The following LRP1B variants were observed in gnomAD, a reference collection of about 807,000 sequenced individuals.
LRP1B encodes low-density lipoprotein receptor-related protein 1B.
LRP1B carries 217 observed loss-of-function variants against 556.6 expected under a neutral mutation model. The ratio of observed to expected loss-of-function variants is 0.39; its 90% CI spans 0.35 to 0.44. The LOEUF (loss-of-function observed/expected upper bound fraction) is 0.44. Among genes scored for constraint, LRP1B ranks in the 20% least tolerant of loss-of-function variants. The pLI is 1.00. For synonymous variants in LRP1B, 2,047 were observed against 1,865.8 expected (o/e 1.10, Z -2.50); for missense variants, 5,053 against 5,620.8 (o/e 0.90, Z 3.23).
intron 3 of LRP1B, among the ~76,000 whole-genome samples, chr2:141,258,135 C>A (rs780337383): frequency 2.0e-5 from 3 of 152,312 alleles, no homozygotes; most frequent in East Asian, 3.9e-4. Context: ...CATGTAAACA[C>A]GGTGTCTGAT....
chr2:142,025,591 C>G (rs1167536195), intron 1 of LRP1B, among the ~76,000 whole-genome samples: 4 of 152,108 alleles, frequency 2.6e-5, no homozygotes, highest in Admixed American at 2.6e-4. Flanking sequence ...ACAATTAACT[C>G]TGCCCAGAGG....
chr2:141,913,625 A>G (rs1699960619), intron 1 of LRP1B, among the ~76,000 whole-genome samples: 2 of 152,190 alleles, frequency 1.3e-5, no homozygotes, highest in African/African-American at 4.8e-5. Flanking sequence ...CCACTTGGAA[A>G]GAGGAATGGC....
chr2:141,226,404 T>TC (rs1185363565), intron 6 of LRP1B, among the ~76,000 whole-genome samples: 1 of 152,138 alleles, frequency 6.6e-6, no homozygotes, highest in Admixed American at 6.6e-5. Context: ...GACGTGCAAT[T>TC]TTTTTAAAAT....
chr2:140,264,700 A>ATGTG (rs1558756180), intron 86 of LRP1B, among the ~76,000 whole-genome samples: 75 of 94,232 alleles, frequency 8.0e-4, no homozygotes, highest in African/African-American at 2.8e-3. Context: ...AATTGTCTAT[A>ATGTG]TATGTGTGTG....
rs546125364 is a variant in LRP1B, at chr2:140,495,862, C to A, written c.8851-114G>T. ...CATTTGAAAATAGATAAAGGCAAGTCTTTCTGTCTCCCAGCATTTGACCTT... is the reference window on the plus strand; with the variant it reads ...CATTTGAAAATAGATAAAGGCAAGTATTTCTGTCTCCCAGCATTTGACCTT... On this transcript the variant is annotated intron_variant, in intron 55 of 90. Coordinates refer to ENST00000389484, the MANE Select transcript of LRP1B (RefSeq NM_018557.3). The A allele has an allele frequency of 5.2e-6, 4 of 775,470 alleles. No homozygotes were observed. In the South Asian group the frequency reaches 8.1e-5, roughly 16 times the overall value. The allele number at this position is 775,470 out of a possible 1,614,324, so 48.0% of individuals were successfully genotyped here. A position where few individuals can be genotyped will look rare whatever the true frequency, so the allele number is the denominator to read the frequency against.
intron 66 of LRP1B, among the ~76,000 whole-genome samples, chr2:140,395,328 G>A (rs949663381): frequency 6.6e-6 from 1 of 152,162 alleles, no homozygotes; most frequent in Admixed American, 6.6e-5. Context: ...CTTTGTTTTA[G>A]CATAGTCTCT....
At chr2:140,473,835 A>C (rs1687862892) in intron 60 of LRP1B, among the ~76,000 whole-genome samples, 1 of 151,944 alleles carries the variant, frequency 6.6e-6, no homozygotes, top group South Asian at 2.1e-4. Flanking sequence ...GTCACAATAA[A>C]ACTTTCAACT....
intron 87 of LRP1B, among the ~76,000 whole-genome samples, chr2:140,241,768 T>G (rs929233540): frequency 6.6e-6 from 1 of 150,876 alleles, no homozygotes; most frequent in Admixed American, 6.6e-5. Context: ...TTTTTAAAAT[T>G]AACAGATATT....
At chr2:141,071,638 C>T (rs1255361264) in intron 7 of LRP1B, among the ~76,000 whole-genome samples, 1 of 152,018 alleles carries the variant, frequency 6.6e-6, no homozygotes, top group African/African-American at 2.4e-5. Context: ...CTTAAGCTGA[C>T]AAGAAACTTC....
intron 3 of LRP1B, among the ~76,000 whole-genome samples, chr2:141,477,688 T>C (rs1203016811): frequency 2.0e-5 from 3 of 152,194 alleles, no homozygotes; most frequent in African/African-American, 7.2e-5. Context: ...AAGATTTTTT[T>C]AAATCATTGA....
chr2:140,920,143 G>A (rs1420898338), intron 21 of LRP1B, among the ~76,000 whole-genome samples: 1 of 151,940 alleles, frequency 6.6e-6, no homozygotes, highest in East Asian at 1.9e-4. Flanking sequence ...ACGACAGAGT[G>A]ACTGAAAATT....
At chr2:140,936,115 A>C (rs998933837) in intron 20 of LRP1B, among the ~76,000 whole-genome samples, 1 of 151,690 alleles carries the variant, frequency 6.6e-6, no homozygotes, top group Non-Finnish European at 1.5e-5. Flanking sequence ...AGTGATGGGC[A>C]GATCACTTGA....
intron 77 of LRP1B, among the ~76,000 whole-genome samples, chr2:140,347,680 C>T (rs1681754144): frequency 6.6e-6 from 1 of 152,012 alleles, no homozygotes; most frequent in Non-Finnish European, 1.5e-5. Context: ...ATTTGGTTCA[C>T]TGACAATGGA....
At chr2:142,042,634 A>G (rs754984243) in intron 1 of LRP1B, among the ~76,000 whole-genome samples, 4 of 151,502 alleles carry the variant, frequency 2.6e-5, no homozygotes, top group Non-Finnish European at 5.9e-5. Flanking sequence ...TGCCTTAGCT[A>G]TATATACTAG....
chr2:141,763,228 G>A (rs1405623962), intron 2 of LRP1B, among the ~76,000 whole-genome samples: 1 of 151,988 alleles, frequency 6.6e-6, no homozygotes, highest in Non-Finnish European at 1.5e-5. Flanking sequence ...ACCTGGTGGT[G>A]GGTGAGTTCA....
At chr2:141,982,387 G>A (rs1309942552) in intron 1 of LRP1B, among the ~76,000 whole-genome samples, 1 of 152,178 alleles carries the variant, frequency 6.6e-6, no homozygotes, top group Non-Finnish European at 1.5e-5. Flanking sequence ...GAGCTTGAAG[G>A]CTTCATGATA....
intron 18 of LRP1B, among the ~76,000 whole-genome samples, chr2:140,967,925 C>G (rs1284428981): frequency 1.3e-5 from 2 of 149,716 alleles, no homozygotes; most frequent in Non-Finnish European, 3.0e-5. Context: ...TTTTGATGTG[C>G]TGCTGGATTC....
intron 3 of LRP1B, among the ~76,000 whole-genome samples, chr2:141,370,663 T>C (rs905679501): frequency 1.3e-5 from 2 of 152,290 alleles, no homozygotes; most frequent in African/African-American, 4.8e-5. Flanking sequence ...ATCCCATTTG[T>C]CTATTTTTTG....
At chr2:140,256,643 ATTC>A (rs1681706237) in intron 86 of LRP1B, among the ~76,000 whole-genome samples, 1 of 150,324 alleles carries the variant, frequency 6.7e-6, no homozygotes, top group Admixed American at 6.6e-5. Context: ...TAATTTTTGT[ATTC>A]TTAGTAGAGA....
Sources: gnomAD v4.1 joint callset for allele counts (sites outside exome capture counted in the v4.1 genomes callset) on GRCh38, gnomAD v4.1.1 for gene constraint, MANE v1.5 for transcripts, NCBI Gene and HGNC (gene_info 2026-07-23, HGNC 2026-07-21) for gene names.